COL21A1: variants seen among roughly 807,000 people sequenced by gnomAD.
COL21A1 encodes collagen type XXI alpha 1 chain, also known as collagen alpha-1(XXI) chain.
A neutral mutation model predicts 137.9 loss-of-function variants in COL21A1; 149 were observed. The observed-to-expected ratio is 1.08, with a 90% confidence interval of 0.95 to 1.24. COL21A1 has a LOEUF of 1.24. COL21A1 is among the 50% of genes most tolerant of loss of function. COL21A1 has a pLI of 0.00. For synonymous variants in COL21A1, 456 were observed against 391.5 expected (o/e 1.16, Z -1.95); for missense variants, 1,167 against 1,158.4 (o/e 1.01, Z -0.11).
intron 1 of COL21A1, among the ~76,000 whole-genome samples, chr6:56,342,432 A>C (rs1418977598): frequency 6.6e-6 from 1 of 152,206 alleles, no homozygotes; most frequent in Non-Finnish European, 1.5e-5. Flanking sequence ...CTGAGGATGA[A>C]ACTTAGCCAT....
chr6:56,156,465 T>TGTCAG (rs1317841623), intron 10 of COL21A1, among the ~76,000 whole-genome samples: 2 of 152,168 alleles, frequency 1.3e-5, no homozygotes, highest in Non-Finnish European at 2.9e-5. Context: ...AACCCAGAAA[T>TGTCAG]GTCTTTCTCA....
chr6:56,076,309 A>G (rs1036271324), intron 18 of COL21A1, among the ~76,000 whole-genome samples: 1 of 151,462 alleles, frequency 6.6e-6, no homozygotes, highest in African/African-American at 2.4e-5. Flanking sequence ...AGTTAGGCTG[A>G]CAGGACACCC....
intron 17 of COL21A1, among the ~76,000 whole-genome samples, chr6:56,089,130 A>G (rs1041774968): frequency 9.2e-5 from 14 of 152,202 alleles, no homozygotes; most frequent in Admixed American, 9.2e-4. Context: ...TTGGAAAGAC[A>G]AACTGCTCCC....
chr6:56,320,197 T>C (rs1196560391), intron 1 of COL21A1, among the ~76,000 whole-genome samples: 2 of 152,136 alleles, frequency 1.3e-5, no homozygotes, highest in Non-Finnish European at 2.9e-5. Flanking sequence ...CCTAAAGTCA[T>C]ACTTGACTCC....
At position 56,317,290 on chromosome 6, in the gene COL21A1, A is replaced by G. The variant is rs111692233; in HGVS notation, c.-39+76681T>C. On this transcript the variant is annotated intron_variant, in intron 1 of 28. Transcript: ENST00000370819. Reference sequence around the variant, plus strand: ...AAAACTAGAATCTCAAAAATGATATACTGAGCACTTACTACATGCCTGGCA... The same window carrying G: ...AAAACTAGAATCTCAAAAATGATATGCTGAGCACTTACTACATGCCTGGCA... Among the ~76,000 whole-genome samples, 443 of 152,304 alleles carry G rather than the reference A, an allele frequency of 2.9e-3. 2 individuals carry two copies. The highest frequency in any genetic ancestry group is 0.01 in the African/African-American group (432 of 41,564).
intron 1 of COL21A1, among the ~76,000 whole-genome samples, chr6:56,263,923 A>G (rs897296642): frequency 6.6e-6 from 1 of 152,144 alleles, no homozygotes; most frequent in Admixed American, 6.6e-5. Flanking sequence ...AGAAGAAAGA[A>G]CAAATGATAG....
intron 12 of COL21A1, among the ~76,000 whole-genome samples, chr6:56,129,666 A>G (rs1773340520): frequency 9.2e-6 from 1 of 108,854 alleles, no homozygotes; most frequent in African/African-American, 4.1e-5. Flanking sequence ...TTCCTCTGTC[A>G]CGTGCGTGCG....
chr6:56,112,788 G>A (rs1185385357), intron 16 of COL21A1, among the ~76,000 whole-genome samples: 2 of 147,678 alleles, frequency 1.4e-5, no homozygotes, highest in African/African-American at 5.0e-5. Flanking sequence ...AGGTTCAACC[G>A]ATTCTCCTGC....
intron 1 of COL21A1, among the ~76,000 whole-genome samples, chr6:56,216,233 G>T (rs1357421646): frequency 6.6e-6 from 1 of 152,030 alleles, no homozygotes; most frequent in Admixed American, 6.6e-5. Flanking sequence ...GGGACCTATT[G>T]CTGCATTAGT....
chr6:56,140,495 G>A (rs1425866576), intron 12 of COL21A1, among the ~76,000 whole-genome samples: 2 of 152,146 alleles, frequency 1.3e-5, no homozygotes, highest in African/African-American at 4.8e-5. Context: ...GAACAGTATT[G>A]TGTGGAACAA....
At chr6:56,125,491 A>G in intron 14 of COL21A1, 76 bp downstream of exon 14, 1 of 991,276 alleles carries the variant, frequency 1.0e-6, no homozygotes, top group South Asian at 1.5e-5. Context: ...GCTGGGTTAG[A>G]ACTGCAATTC....
intron 1 of COL21A1, among the ~76,000 whole-genome samples, chr6:56,289,098 T>G (rs900611709): frequency 6.6e-6 from 1 of 152,190 alleles, no homozygotes; most frequent in Non-Finnish European, 1.5e-5. Context: ...ATAGGTAAAG[T>G]GTGCCTAACA....
chr6:56,265,237 T>C (rs1332591098), intron 1 of COL21A1, among the ~76,000 whole-genome samples: 2 of 152,188 alleles, frequency 1.3e-5, no homozygotes, highest in Admixed American at 6.5e-5. Context: ...ATGAGGATCC[T>C]AGGCACAAGA....
intron 1 of COL21A1, among the ~76,000 whole-genome samples, chr6:56,320,222 A>ACCCT (rs1179202492): frequency 6.6e-6 from 1 of 151,874 alleles, no homozygotes; most frequent in Non-Finnish European, 1.5e-5. Context: ...TTCCCCTAAT[A>ACCCT]CCCTATATCT....
At chr6:56,137,667 A>G (rs1216054122) in intron 12 of COL21A1, among the ~76,000 whole-genome samples, 3 of 152,182 alleles carry the variant, frequency 2.0e-5, no homozygotes, top group Non-Finnish European at 4.4e-5. Context: ...CAAGTTTAGA[A>G]CCAACAAAAT....
chr6:56,353,147 T>A (rs2152347188), intron 1 of COL21A1, among the ~76,000 whole-genome samples: 1 of 152,276 alleles, frequency 6.6e-6, no homozygotes, highest in Non-Finnish European at 1.5e-5. Flanking sequence ...GGAGTTCAAT[T>A]TTGCTCCCTA....
intron 1 of COL21A1, among the ~76,000 whole-genome samples, chr6:56,286,488 C>T (rs1036312889): frequency 2.6e-5 from 4 of 152,174 alleles, no homozygotes; most frequent in African/African-American, 7.2e-5. Flanking sequence ...AGCACACTTG[C>T]ATTTTATTTC....
chr6:56,070,863 G>C (rs1444081371), intron 20 of COL21A1, 65 bp from the exon 21 acceptor site: 22 of 1,155,986 alleles, frequency 1.9e-5, no homozygotes, highest in Non-Finnish European at 2.7e-5. Context: ...ATCTGATATA[G>C]ACACTTAAGG....
At chr6:56,217,470 A>G (rs1780559517) in intron 1 of COL21A1, among the ~76,000 whole-genome samples, 1 of 152,108 alleles carries the variant, frequency 6.6e-6, no homozygotes, top group African/African-American at 2.4e-5. Context: ...CCCTATAAAT[A>G]GAAAAATAAA....
Sources: allele counts gnomAD v4.1 joint callset (sites outside exome capture counted in the v4.1 genomes callset), GRCh38; gene constraint gnomAD v4.1.1; transcripts MANE v1.5; gene names NCBI Gene and HGNC (gene_info 2026-07-23, HGNC 2026-07-21).